MON1A: variants seen among roughly 807,000 people sequenced by gnomAD.
MON1A encodes the protein MON1 vesicular trafficking associated A, also known as vacuolar fusion protein MON1 homolog A.
MON1A carries 29 observed loss-of-function variants against 44.6 expected under a neutral mutation model. The ratio of observed to expected loss-of-function variants is 0.65; its 90% CI spans 0.48 to 0.89. The LOEUF is 0.89. MON1A is among the 40% of genes least tolerant of loss of function. The pLI, the probability that MON1A is intolerant of heterozygous loss-of-function variation, is 0.00. For missense variants in MON1A, 615 were observed against 759.6 expected (o/e 0.81, Z 2.24); for synonymous variants, 275 against 316.4 (o/e 0.87, Z 1.39).
At chr3:49,916,239 A>G (rs2082942110) in intron 1 of MON1A, among the ~76,000 whole-genome samples, 1 of 152,176 alleles carries the variant, frequency 6.6e-6, no homozygotes, top group Non-Finnish European at 1.5e-5. Flanking sequence ...AAGTTCATGA[A>G]AAGGGTGGTC....
In MON1A at chr3:49,909,596, C is replaced by G; in HGVS notation, c.1380-196G>C. 1.5e-6 allele frequency: 1 copy of G among 665,730 alleles called. No individual in the cohort carries two copies. The highest frequency in any genetic ancestry group is 2.0e-5 in the South Asian group (1 of 50,046). The allele number at this position is 665,730 out of a possible 1,614,324, so 41.2% of individuals were successfully genotyped here. ...AGGGCTGGGCCCACTGAGACTAGAG[C>G]TATGTCCCCTCTTACCCCCTAAGCT... On this transcript the variant is annotated intron_variant, in intron 4 of 5. Transcript: ENST00000296473. The surrounding 1 kb of genome is among the most constrained non-coding windows in gnomAD (Gnocchi z 4.0).
At position 49,909,111 on chromosome 3, in the gene MON1A, C is replaced by T. The variant is rs2082844363; in HGVS notation, c.1571G>A (p.Gly524Glu). The T allele has an allele frequency of 6.2e-7, 1 of 1,613,296 alleles. No individual in the cohort carries two copies. The highest frequency in any genetic ancestry group is 1.7e-5 in the Admixed American group (1 of 59,932). Residue 524 changes from glycine to glutamate, a missense_variant, in exon 6 of 6, where the codon GGG becomes GAG. By Grantham distance (98) the Gly-to-Glu change is moderately conservative. Coordinates refer to ENST00000296473, the MANE Select transcript of MON1A (RefSeq NM_032355.4). The surrounding 1 kb of genome is among the most constrained non-coding windows in gnomAD (Gnocchi z 4.0). ...FELYMCYSPL[G>E]TKASAVSAIH... The stretch of plus-strand genomic sequence containing the variant: ...GGCACTGACGGCTGACGCCTTGGTC[C>T]CCAGGGGGCTGTAACACATGTAGAG...
chr3:49,925,040 C>A (rs1296268087), intron 1 of MON1A, among the ~76,000 whole-genome samples: 1 of 152,184 alleles, frequency 6.6e-6, no homozygotes, highest in Admixed American at 6.5e-5. Context: ...TTGTTTTAAG[C>A]TGCTAAGTTT....
intron 1 of MON1A, among the ~76,000 whole-genome samples, chr3:49,921,139 A>G (rs764906478): frequency 1.3e-5 from 2 of 151,782 alleles, no homozygotes; most frequent in Non-Finnish European, 2.9e-5. Flanking sequence ...CTCGGCAATA[A>G]GAGTGAGACC....
At chr3:49,916,802 G>C (rs2082948763) in intron 1 of MON1A, 1 of 152,290 alleles carries the variant, frequency 6.6e-6, no homozygotes, top group Admixed American at 6.5e-5. Context: ...CTCTGAGACT[G>C]AGACTAAGAG....
intron 2 of MON1A, 86 bp from the exon 3 acceptor site, chr3:49,912,097 A>G: frequency 6.9e-7 from 1 of 1,458,144 alleles, no homozygotes; most frequent in Non-Finnish European, 9.2e-7. Context: ...TCACTCCAGC[A>G]TGACTGCCTG....
At chr3:49,918,485 C>T (rs771276472) in intron 1 of MON1A, among the ~76,000 whole-genome samples, 4 of 151,802 alleles carry the variant, frequency 2.6e-5, no homozygotes, top group Non-Finnish European at 5.9e-5. Flanking sequence ...GATCTTGGCT[C>T]ACCAAAACCT....
At chr3:49,921,671 T>G (rs2082997897) in intron 1 of MON1A, among the ~76,000 whole-genome samples, 1 of 148,462 alleles carries the variant, frequency 6.7e-6, no homozygotes, top group African/African-American at 2.5e-5. Flanking sequence ...GATGGGGTCT[T>G]GCTCTGTCAC....
intron 1 of MON1A, among the ~76,000 whole-genome samples, chr3:49,921,391 C>T (rs943876680): frequency 2.7e-5 from 4 of 150,706 alleles, no homozygotes; most frequent in Non-Finnish European, 5.9e-5. Context: ...ACCTCCTGAC[C>T]TCATGATCCG....
intron 1 of MON1A, among the ~76,000 whole-genome samples, chr3:49,915,654 C>T (rs554776108): frequency 6.6e-6 from 1 of 152,368 alleles, no homozygotes; most frequent in African/African-American, 2.4e-5. Context: ...CTTCAGGCTG[C>T]AGCCCTGCTT....
In MON1A at chr3:49,911,396, C is replaced by T; in HGVS notation, c.613+130G>A. Reference sequence around the variant, plus strand: ...CTGTTCAGGTGAGGACCTTGAAGCTCAGAGAGGTAGAGGGACTTACCCTCA... The same window carrying T: ...CTGTTCAGGTGAGGACCTTGAAGCTTAGAGAGGTAGAGGGACTTACCCTCA... On this transcript the variant is annotated intron_variant, in intron 3 of 5. Coordinates refer to ENST00000296473, the MANE Select transcript of MON1A (RefSeq NM_032355.4). The surrounding 1 kb of genome is among the most constrained non-coding windows in gnomAD (Gnocchi z 5.7). The T allele has an allele frequency of 1.5e-6, 2 of 1,361,866 alleles. No homozygotes were observed. Among genetic ancestry groups the T allele is most frequent in the South Asian group, 1.4e-5 (1 of 70,022 alleles). The allele number at this position is 1,361,866 out of a possible 1,614,324, so 84.4% of individuals were successfully genotyped here. A position where few individuals can be genotyped will look rare whatever the true frequency, so the allele number is the denominator to read the frequency against.
At position 49,910,043 on chromosome 3, in the gene MON1A, A is replaced by G; in HGVS notation, c.1379+76T>C. ...GGACAGCTTCAGGGCTACATCTCAG[A>G]GCTCAGGACCAAACAGCCTCCCGAC... On this transcript the variant is annotated intron_variant, in intron 4 of 5. Transcript: ENST00000296473. This position sits in a 1 kb window ranked among gnomAD's most constrained non-coding sequence, Gnocchi z 8.0. The G allele has an allele frequency of 3.4e-6, 5 of 1,473,866 alleles. No individual in the cohort carries two copies. Among genetic ancestry groups the G allele is most frequent in the East Asian group, 2.3e-5 (1 of 43,812 alleles). 91.3% of individuals were successfully genotyped at this position (1,473,866 alleles called of 1,614,324 possible).
intron 2 of MON1A, chr3:49,912,522 T>A (rs544137652): frequency 8.6e-5 from 14 of 162,416 alleles, no homozygotes; most frequent in Non-Finnish European, 1.7e-4. Context: ...ATTGTCCTTC[T>A]CCCCAACTAC....
intron 1 of MON1A, chr3:49,929,393 T>A: frequency 1.6e-6 from 1 of 621,948 alleles, no homozygotes; most frequent in Non-Finnish European, 2.8e-6. Context: ...CTACCGGATC[T>A]CGCCCTCCCA....
At position 49,911,770 on chromosome 3, in the gene MON1A, G is replaced by T; in HGVS notation, c.369C>A (p.Pro123=). The T allele has an allele frequency of 6.2e-7, 1 of 1,613,586 alleles. No homozygotes were observed. Among genetic ancestry groups the T allele is most frequent in the Non-Finnish European group, 8.5e-7 (1 of 1,179,828 alleles). The change falls in exon 3 of 6, where the codon CCC becomes CCA. Residue 123 remains proline, a synonymous_variant. Transcript: ENST00000296473. The surrounding 1 kb of genome is among the most constrained non-coding windows in gnomAD (Gnocchi z 5.7). ...LPGSSEDWLE[P]PGAVGRPATE... is the part of the protein sequence containing the mutation. Reference sequence around the variant, plus strand: ...TGGCTGGTCGCCCAACTGCCCCTGGGGGTTCCAGCCAATCCTCAGAGCTTC... The same window carrying T: ...TGGCTGGTCGCCCAACTGCCCCTGGTGGTTCCAGCCAATCCTCAGAGCTTC...
chr3:49,922,277 C>A (rs1159055562), intron 1 of MON1A, among the ~76,000 whole-genome samples: 2 of 151,444 alleles, frequency 1.3e-5, no homozygotes, highest in African/African-American at 4.9e-5. Context: ...GAAACCCCGT[C>A]TCTATTAAAA....
intron 1 of MON1A, 22 bp downstream of exon 1, chr3:49,929,587 C>T: frequency 1.9e-6 from 3 of 1,551,222 alleles, no homozygotes; most frequent in East Asian, 2.4e-5. Context: ...CTCCAGGCCA[C>T]GTGGGCTGGC....
rs1484929564 is a variant in MON1A, at chr3:49,922,176, A to C, written c.-14+7433T>G. Among the ~76,000 whole-genome samples the C allele has an allele frequency of 6.6e-5, 10 of 151,138 alleles. No individual in the cohort carries two copies. The East Asian group carries it at 1.9e-3, about 29-fold the overall frequency. ...GAAAGAAAGAAAGACGGCCGGGAGC[A>C]GTGGCTCACGCCTATAATCCCAGCA... On this transcript the variant is annotated intron_variant, in intron 1 of 5. Transcript: ENST00000296473.
chr3:49,921,508 C>T (rs1049784087), intron 1 of MON1A, among the ~76,000 whole-genome samples: 10 of 150,594 alleles, frequency 6.6e-5, no homozygotes, highest in Non-Finnish European at 1.2e-4. Context: ...CAGTGGCTCA[C>T]GCCTGTAATC....
Sources: allele counts gnomAD v4.1 joint callset (sites outside exome capture counted in the v4.1 genomes callset), GRCh38; gene constraint gnomAD v4.1.1; non-coding constraint Gnocchi (gnomAD v3.1); transcripts MANE v1.5; gene names NCBI Gene and HGNC (gene_info 2026-07-23, HGNC 2026-07-21).